The following TOP1MT variants were observed in gnomAD, a reference collection of about 807,000 sequenced individuals.
The protein encoded by TOP1MT is DNA topoisomerase I, mitochondrial.
A neutral mutation model predicts 73.9 loss-of-function variants in TOP1MT; 80 were observed. The ratio of observed to expected loss-of-function variants is 1.08; its 90% CI spans 0.90 to 1.30. TOP1MT has a LOEUF of 1.30. Ranked by LOEUF, TOP1MT falls within the 50% of genes most tolerant of loss-of-function variation. The probability of loss-of-function intolerance (pLI) is 0.00; values close to 1 mark genes in which losing one functional copy is unlikely to be tolerated. For missense variants in TOP1MT, 815 were observed against 808.0 expected (o/e 1.01, Z -0.10); for synonymous variants, 338 against 326.4 (o/e 1.04, Z -0.38).
At chr8:143,348,537 C>T (rs1334588219), upstream of TOP1MT, among the ~76,000 whole-genome samples, 1 of 150,374 alleles carries the variant, frequency 6.7e-6, no homozygotes, top group Non-Finnish European at 1.5e-5. The surrounding 1 kb of genome is among the most constrained non-coding windows in gnomAD (Gnocchi z 4.6). Flanking sequence ...AGGGGTGTGG[C>T]AGGAGGGTCC....
chr8:143,319,159 G>A (rs1028193049), intron 8 of TOP1MT, among the ~76,000 whole-genome samples: 4 of 152,066 alleles, frequency 2.6e-5, no homozygotes, highest in African/African-American at 9.7e-5. Context: ...ATGACTTCCC[G>A]ACCAGACTGC....
chr8:143,315,770 C>T lies in TOP1MT; in HGVS notation c.1510G>A (p.Ala504Thr). Residue 504 changes from alanine to threonine, a missense_variant, in exon 12 of 14, where the codon GCG becomes ACG. Transcript: ENST00000329245. Reference sequence around the variant, plus strand: ...CCTTGGGCTTTGTGCTCAGCCCTCGCCCTCCTCAGCTCTGCCCTGGCCTCA... The same window carrying T: ...CCTTGGGCTTTGTGCTCAGCCCTCGTCCTCCTCAGCTCTGCCCTGGCCTCA... The part of the protein sequence containing the change: ...VAEARAELRR[A>T]RAEHKAQGDG... The T allele has an allele frequency of 6.2e-7, 1 of 1,614,010 alleles. No individual in the cohort carries two copies.
chr8:143,309,997 ACAGAGGCCTCCTGGAAAACC>A (rs1815962830), intron 13 of TOP1MT, 51 bp downstream of exon 13: 1 of 1,597,828 alleles, frequency 6.3e-7, no homozygotes, highest in African/African-American at 1.3e-5. Flanking sequence ...CTGGGACTGA[ACAGAGGCCTCCTGGAAAACC>A]CAGGCCCCCC....
At chr8:143,333,095 T>C (rs1404019595) in intron 1 of TOP1MT, among the ~76,000 whole-genome samples, 2 of 151,972 alleles carry the variant, frequency 1.3e-5, no homozygotes, top group Non-Finnish European at 2.9e-5. Context: ...TCTTAGAGAA[T>C]AAGGGAAGAT....
At chr8:143,329,678 C>G (rs373874727) in intron 2 of TOP1MT, among the ~76,000 whole-genome samples, 1 of 151,956 alleles carries the variant, frequency 6.6e-6, no homozygotes, top group Non-Finnish European at 1.5e-5. Flanking sequence ...GATCTGGGAG[C>G]GGGTCGTGAG....
At chr8:143,322,060 A>T (rs1586758446) in intron 7 of TOP1MT, among the ~76,000 whole-genome samples, 1 of 89,384 alleles carries the variant, frequency 1.1e-5, no homozygotes, top group African/African-American at 3.8e-5. Context: ...ACACACAGGC[A>T]CGCCACACAC....
rs1055385695 is a variant in TOP1MT at position 143,310,145 on chromosome 8, C to T, written c.1626G>A (p.Thr542=). 2.5e-6 allele frequency: 4 copies of T among 1,612,788 alleles called. No homozygotes were observed. The African/African-American group carries it at 5.3e-5, about 22-fold the overall frequency. ...CCACCTGCTTGTTCTCCTCCTTGTC[C>T]GTGGCCTGCACACTCAGCTGCGCCA... ...EQLAQLSVQA[T]DKEENKQVAL... The change falls in exon 13 of 14, where the codon ACG becomes ACA. Residue 542 remains threonine (T), a synonymous_variant. Transcript: ENST00000329245.
chr8:143,342,534 GCT>G (rs1364685806), intron 2 of TOP1MT, among the ~76,000 whole-genome samples: 15 of 107,614 alleles, frequency 1.4e-4, no homozygotes, highest in Admixed American at 2.1e-4. Context: ...ACAGAGTCTC[GCT>G]CTGTTATTAT....
At chr8:143,353,570 T>C (rs1817355359) in intron 1 of TOP1MT, among the ~76,000 whole-genome samples, 1 of 152,212 alleles carries the variant, frequency 6.6e-6, no homozygotes, top group South Asian at 2.1e-4. Context: ...GTTACCACTT[T>C]ACATCAACCA....
chr8:143,346,834 C>G (rs1326092249), upstream of TOP1MT, among the ~76,000 whole-genome samples: 1 of 152,070 alleles, frequency 6.6e-6, no homozygotes, highest in Non-Finnish European at 1.5e-5. Flanking sequence ...AGGGAGGACA[C>G]TAAGCAAAAT....
At chr8:143,315,900 C>T (rs1816145856) in intron 11 of TOP1MT, 79 bp from the exon 12 acceptor site, 12 of 1,604,478 alleles carry the variant, frequency 7.5e-6, no homozygotes, top group South Asian at 1.1e-5. Flanking sequence ...CCACACCCTA[C>T]GTGCCCACCG....
intron 5 of TOP1MT, 120 bp downstream of exon 5, chr8:143,325,226 G>A: frequency 1.1e-6 from 1 of 943,600 alleles, no homozygotes; most frequent in Non-Finnish European, 1.5e-6. Context: ...CAGGAATGGT[G>A]TGGGGGTCAC....
In TOP1MT at chr8:143,316,121, C is replaced by T; in HGVS notation, c.1336G>A (p.Asp446Asn). ...GATAAGATCTTAGCTGCTATGCTGT[C>T]CTCGGCTGAGAGGCACGGGCTGTCA... ...EQLRALTRAE[D>N]SIAAKILSYN... Residue 446 changes from aspartate to asparagine, a missense_variant, in exon 11 of 14, where the codon GAC (aspartate) becomes AAC (asparagine). By Grantham distance (23) the Asp-to-Asn change is conservative. Around this residue, in one of 3 missense-constraint regions of TOP1MT, gnomAD observed 751 missense variants for 725.4 expected, o/e 1.04. Transcript: ENST00000329245. 1.2e-6 allele frequency: 2 copies of T among 1,614,132 alleles called. No individual in the cohort carries two copies.
intron 12 of TOP1MT, 99 bp downstream of exon 12, chr8:143,315,628 G>GGC: frequency 1.3e-6 from 1 of 798,064 alleles, no homozygotes; most frequent in Non-Finnish European, 2.1e-6. Context: ...CTCCGCACAA[G>GGC]GAGACAACAA....
chr8:143,331,202 G>A (rs752161552), intron 2 of TOP1MT, 22 bp downstream of exon 2: 3 of 1,571,868 alleles, frequency 1.9e-6, no homozygotes, highest in African/African-American at 2.7e-5. Flanking sequence ...GGCTGGGGAG[G>A]AGCCGCTCCC....
intron 2 of TOP1MT, among the ~76,000 whole-genome samples, chr8:143,329,931 T>C (rs1235152234): frequency 2.3e-5 from 3 of 129,266 alleles, no homozygotes; most frequent in Non-Finnish European, 4.6e-5. Flanking sequence ...AAGATCAGTG[T>C]GGTTTAGAGA....
intron 12 of TOP1MT, among the ~76,000 whole-genome samples, chr8:143,314,956 T>C (rs533685619): frequency 6.6e-6 from 1 of 152,248 alleles, no homozygotes; most frequent in African/African-American, 2.4e-5. Context: ...GAGCCTTCTG[T>C]TATGCCCAGA....
chr8:143,342,545 ATTAT>A (rs1817128378), intron 2 of TOP1MT, among the ~76,000 whole-genome samples: 1 of 133,680 alleles, frequency 7.5e-6, no homozygotes, highest in Non-Finnish European at 1.6e-5. Context: ...CTCTGTTATT[ATTAT>A]TATTATTAGA....
At chr8:143,332,373 G>A in intron 1 of TOP1MT, 3 of 784,354 alleles carry the variant, frequency 3.8e-6, no homozygotes, top group South Asian at 2.9e-5. Flanking sequence ...CTCAGTGGGA[G>A]AGGCTTTGGC....
Sources: allele counts gnomAD v4.1 joint callset (sites outside exome capture counted in the v4.1 genomes callset), GRCh38; gene constraint gnomAD v4.1.1; regional missense constraint gnomAD v4.1.1; non-coding constraint Gnocchi (gnomAD v3.1); transcripts MANE v1.5; gene names NCBI Gene and HGNC (gene_info 2026-07-23, HGNC 2026-07-21).